The following DNAH6 variants were observed in gnomAD, a reference collection of about 807,000 sequenced individuals.
DNAH6 encodes dynein axonemal heavy chain 6.
DNAH6 carries 340 observed loss-of-function variants against 491.4 expected under a neutral mutation model. That is an observed-to-expected ratio of 0.69 (90% CI 0.63 to 0.76). The LOEUF (loss-of-function observed/expected upper bound fraction) is 0.76, where lower values mean the gene tolerates loss of function less well. Ranked by LOEUF, DNAH6 falls within the 30% of genes least tolerant of loss-of-function variation. The pLI is 0.00. For missense variants in DNAH6, 4,443 were observed against 4,972.2 expected, an observed-to-expected ratio of 0.89 and a Z score of 3.20; for synonymous variants, 1,603 against 1,686.1, an observed-to-expected ratio of 0.95 and a Z score of 1.21.
In DNAH6 at chr2:84,639,488, G is replaced by C. The variant is rs545426710; in HGVS notation, c.4822-942G>C. Among the ~76,000 whole-genome samples the C allele has an allele frequency of 1.4e-3, 203 of 146,588 alleles. 2 individuals are homozygous for C. The highest frequency in any genetic ancestry group is 4.8e-3 in the African/African-American group (188 of 39,442). On this transcript the variant is annotated intron_variant, in intron 31 of 76. Coordinates refer to ENST00000389394, the MANE Select transcript of DNAH6 (RefSeq NM_001370.2). ...GGCTGGAGTGCAATGGCACGATCTCGGCTCACTGCAACCTCCATCTCCCAG... is the reference window on the plus strand; with the variant it reads ...GGCTGGAGTGCAATGGCACGATCTCCGCTCACTGCAACCTCCATCTCCCAG...
intron 75 of DNAH6, among the ~76,000 whole-genome samples, chr2:84,815,427 G>A (rs1680396162): frequency 2.0e-5 from 3 of 149,710 alleles, no homozygotes; most frequent in Admixed American, 6.7e-5. Context: ...TCACATCACA[G>A]GAATCTGATG....
At chr2:84,706,792 T>C in intron 52 of DNAH6, 104 bp from the exon 53 acceptor site, 2 of 1,335,332 alleles carry the variant, frequency 1.5e-6, no homozygotes, top group Non-Finnish European at 2.0e-6. Context: ...TTTTTGGACA[T>C]GAAAAGAGGA....
chr2:84,804,477 G>A (rs1679228705), intron 70 of DNAH6, among the ~76,000 whole-genome samples: 1 of 151,978 alleles, frequency 6.6e-6, no homozygotes, highest in African/African-American at 2.4e-5. Context: ...CCAAGTTGAA[G>A]TAAGCTATAG....
the DNAH6 span, among the ~76,000 whole-genome samples, chr2:84,489,831 C>A: frequency 6.6e-6 from 1 of 152,166 alleles, no homozygotes; most frequent in Non-Finnish European, 1.5e-5. Flanking sequence ...TAGACCTCAT[C>A]CCCAGAGTTT....
chr2:84,607,007 C>G lies in DNAH6; in HGVS notation c.3206C>G (p.Ala1069Gly), dbSNP rs1685834894. ...CTTGATGATAGCACCATCAATGTTGCAACTCTTGCCTCATCACGTTACCTT... is the reference window on the plus strand; with the variant it reads ...CTTGATGATAGCACCATCAATGTTGGAACTCTTGCCTCATCACGTTACCTT... ...VLLDDSTINV[A>G]TLASSRYLGP... The change falls in exon 21 of 77, where the codon GCA (alanine) becomes GGA (glycine). Residue 1069 changes from alanine to glycine, a missense_variant. Coordinates refer to ENST00000389394, the MANE Select transcript of DNAH6 (RefSeq NM_001370.2). 1 of 1,551,274 alleles carries G rather than the reference C, an allele frequency of 6.4e-7. No individual in the cohort carries two copies.
intron 60 of DNAH6, 127 bp downstream of exon 60, chr2:84,722,931 T>C: frequency 1.6e-6 from 1 of 610,018 alleles, no homozygotes; most frequent in South Asian, 3.0e-5. Context: ...GCATGCAAGG[T>C]TCAAGAGTGG....
At chr2:84,564,485 A>G (rs1680975746) in intron 11 of DNAH6, among the ~76,000 whole-genome samples, 1 of 152,148 alleles carries the variant, frequency 6.6e-6, no homozygotes, top group Non-Finnish European at 1.5e-5. Context: ...TTTGAATCTC[A>G]GCTTGACCAT....
chr2:84,618,346 A>G (rs1247795423), intron 23 of DNAH6, among the ~76,000 whole-genome samples: 2 of 152,136 alleles, frequency 1.3e-5, no homozygotes, highest in East Asian at 3.9e-4. Flanking sequence ...TCAGTCATCC[A>G]TGCTCAAGTT....
chr2:84,790,317 T>A (rs1274748932), intron 68 of DNAH6, among the ~76,000 whole-genome samples: 1 of 152,130 alleles, frequency 6.6e-6, no homozygotes, highest in Non-Finnish European at 1.5e-5. Flanking sequence ...GAAGAAAGCT[T>A]TGGAGTGAAT....
chr2:84,722,512 C>A, intron 59 of DNAH6, 113 bp from the exon 60 acceptor site: 1 of 890,180 alleles, frequency 1.1e-6, no homozygotes, highest in Non-Finnish European at 1.6e-6. Context: ...TTATTATAAT[C>A]ACCAACTCAT....
intron 64 of DNAH6, among the ~76,000 whole-genome samples, chr2:84,770,949 C>G (rs1327896637): frequency 6.6e-6 from 1 of 151,314 alleles, no homozygotes; most frequent in Non-Finnish European, 1.5e-5. Context: ...AAGATCATGC[C>G]ACTGCACTGT....
intron 26 of DNAH6, 33 bp downstream of exon 26, chr2:84,621,584 T>C (rs758576973): frequency 2.9e-6 from 4 of 1,356,276 alleles, no homozygotes; most frequent in Non-Finnish European, 4.0e-6. Context: ...ATTGTTGTCC[T>C]GCAAGATGGT....
intron 12 of DNAH6, 44 bp downstream of exon 12, chr2:84,573,631 C>T (rs770903676): frequency 1.3e-6 from 2 of 1,483,144 alleles, no homozygotes; most frequent in Admixed American, 2.7e-5. Context: ...TATAGGGATA[C>T]TGAGATTTGT....
chr2:84,756,681 T>G (rs1674058510), intron 63 of DNAH6, among the ~76,000 whole-genome samples: 1 of 152,230 alleles, frequency 6.6e-6, no homozygotes, highest in African/African-American at 2.4e-5. Context: ...ACCATGCCCT[T>G]TCTCTGGGCA....
chr2:84,658,102 C>T (rs537607914), intron 35 of DNAH6, among the ~76,000 whole-genome samples, 190 bp from the exon 36 acceptor site: 1 of 152,036 alleles, frequency 6.6e-6, no homozygotes, highest in South Asian at 2.1e-4. Flanking sequence ...CCATAATTTC[C>T]CCCATGTATC....
intron 62 of DNAH6, among the ~76,000 whole-genome samples, chr2:84,742,439 G>C (rs75091297): frequency 6.6e-6 from 1 of 152,052 alleles, no homozygotes; most frequent in Non-Finnish European, 1.5e-5. Flanking sequence ...ACAATGTCTA[G>C]AGACATTTTT....
chr2:84,596,157 A>G (rs1045013964), intron 18 of DNAH6, among the ~76,000 whole-genome samples: 3 of 152,190 alleles, frequency 2.0e-5, no homozygotes, highest in African/African-American at 7.2e-5. Context: ...GCACCACACA[A>G]CTATGCCATT....
Position 84,685,480 on chromosome 2 carries a change from T to A in DNAH6, c.7063+8T>A, listed in dbSNP as rs576722675. On this transcript the variant is annotated splice_region_variant and intron_variant, in intron 43 of 76. Transcript: ENST00000389394. Reference sequence around the variant, plus strand: ...TTCTGACAGAAATGGCCAGTAAATATGAATCTTTACCTATTCTTTTTTTTA... The same window carrying A: ...TTCTGACAGAAATGGCCAGTAAATAAGAATCTTTACCTATTCTTTTTTTTA... 142 of 1,449,486 alleles carry A rather than the reference T, an allele frequency of 9.8e-5. No homozygotes were observed. Among genetic ancestry groups the A allele is most frequent in the Admixed American group, 2.9e-4 (12 of 40,924 alleles). 89.8% of individuals were successfully genotyped at this position (1,449,486 alleles called of 1,614,324 possible).
Position 84,624,906 on chromosome 2 carries a change from G to A in DNAH6, c.4358G>A (p.Arg1453His), listed in dbSNP as rs368034415. 15 of 1,546,260 alleles carry A rather than the reference G, an allele frequency of 9.7e-6. No individual in the cohort carries two copies. The highest frequency in any genetic ancestry group is 1.7e-4 in the Middle Eastern group (1 of 5,960). Residue 1453 changes from arginine (R) to histidine (H), a missense_variant, in exon 29 of 77, where the codon CGC (arginine) becomes CAC (histidine). Arg to His is a conservative substitution (Grantham distance 29). Transcript: ENST00000389394. ...PRLVITPLTD[R>H]CYLCLMGALQ... ...ATAATGCATTGCTTTCTTCAGGATC[G>A]CTGCTATCTTTGCCTCATGGGAGCT...
Sources: gnomAD v4.1 joint callset for allele counts (sites outside exome capture counted in the v4.1 genomes callset) on GRCh38, gnomAD v4.1.1 for gene constraint, MANE v1.5 for transcripts, NCBI Gene and HGNC (gene_info 2026-07-23, HGNC 2026-07-21) for gene names.